Variants in CDC123 observed in about 807,000 individuals in gnomAD.
The protein encoded by CDC123 is cell division cycle 123, also known as translation initiation factor eIF2 assembly protein.
In CDC123, 37 loss-of-function variants were observed where a neutral mutation model predicts 54.4. The observed-to-expected ratio is 0.68, with a 90% CI of 0.52 to 0.89. The LOEUF (loss-of-function observed/expected upper bound fraction) is 0.89, where lower values mean the gene tolerates loss of function less well. CDC123 is among the 40% of genes least tolerant of loss of function. CDC123 has a pLI of 0.00. For synonymous variants in CDC123, 144 were observed against 136.8 expected (o/e 1.05, Z -0.37); for missense variants, 361 against 412.1 (o/e 0.88, Z 1.07).
chr10:12,205,304 T>C (rs1835503354), intron 2 of CDC123, among the ~76,000 whole-genome samples: 1 of 152,240 alleles, frequency 6.6e-6, no homozygotes, highest in African/African-American at 2.4e-5. Flanking sequence ...GTACCACATT[T>C]TCTTTATCCA....
Position 12,250,346 on chromosome 10 carries a change from C to G in CDC123, c.*9C>G. ...AGCAGGAGGACGACTGATGAGCGTA[C>G]TGGAACTGGAGAAGAGGAGGCCCCG... On this transcript the variant is annotated 3_prime_UTR_variant, in exon 13 of 13. Transcript: ENST00000281141. The G allele has an allele frequency of 1.3e-6, 2 of 1,597,600 alleles. No individual in the cohort carries two copies. The highest frequency in any genetic ancestry group is 2.7e-5 in the African/African-American group (2 of 74,634).
chr10:12,232,249 T>C (rs1290926160), intron 7 of CDC123, among the ~76,000 whole-genome samples: 1 of 152,178 alleles, frequency 6.6e-6, no homozygotes. Context: ...GCTCATAGTT[T>C]GTTGCAAAGA....
chr10:12,235,584 TTCCTC>T (rs1224696402), intron 8 of CDC123, among the ~76,000 whole-genome samples: 6 of 152,354 alleles, frequency 3.9e-5, no homozygotes, highest in African/African-American at 9.6e-5. Flanking sequence ...CCCATTTTCT[TTCCTC>T]TCAGGTTACT....
Position 12,196,215 on chromosome 10 carries a change from A to C in CDC123, c.-31A>C. ...AGTTCCGGGAGGGTGCAGGCAGGAGAGGGAAAGGCAGCAGCGGCGGCAGCT... is the reference window on the plus strand; with the variant it reads ...AGTTCCGGGAGGGTGCAGGCAGGAGCGGGAAAGGCAGCAGCGGCGGCAGCT... On this transcript the variant is annotated 5_prime_UTR_variant, in exon 1 of 13. Transcript: ENST00000281141. The C allele has an allele frequency of 6.2e-7, 1 of 1,613,356 alleles. No individual in the cohort carries two copies. Among genetic ancestry groups the C allele is most frequent in the Non-Finnish European group, 8.5e-7 (1 of 1,179,872 alleles).
chr10:12,230,446 G>A (rs1835884936), intron 6 of CDC123, among the ~76,000 whole-genome samples: 1 of 152,144 alleles, frequency 6.6e-6, no homozygotes, highest in Non-Finnish European at 1.5e-5. Context: ...ACCTGCCTTG[G>A]CCTCCCAAAG....
At chr10:12,218,271 G>T (rs1835688807) in intron 6 of CDC123, among the ~76,000 whole-genome samples, 1 of 131,020 alleles carries the variant, frequency 7.6e-6, no homozygotes, top group African/African-American at 2.9e-5. Context: ...TTTTGAGGCA[G>T]GGTCTCACTC....
At chr10:12,223,786 G>C (rs1835768489) in intron 6 of CDC123, among the ~76,000 whole-genome samples, 1 of 152,038 alleles carries the variant, frequency 6.6e-6, no homozygotes, top group African/African-American at 2.4e-5. Context: ...TTATTTCAGT[G>C]TTTATTTTGC....
chr10:12,239,911 G>A (rs1483249210), intron 10 of CDC123, among the ~76,000 whole-genome samples: 11 of 151,510 alleles, frequency 7.3e-5, no homozygotes, highest in Admixed American at 7.2e-4. Flanking sequence ...TGGAGGCTGA[G>A]GCGGGAGAAT....
chr10:12,200,096 T>C (rs7910938), intron 2 of CDC123, among the ~76,000 whole-genome samples: 71,167 of 141,714 alleles, frequency 0.5, 18,234 homozygotes, highest in Middle Eastern at 0.62. Context: ...GCTGGGATTA[T>C]AGGCCTGAGC....
intron 2 of CDC123, among the ~76,000 whole-genome samples, chr10:12,201,038 T>C (rs1047585442): frequency 1.3e-5 from 2 of 152,228 alleles, no homozygotes; most frequent in African/African-American, 2.4e-5. Context: ...AGCTTCATAT[T>C]TGTGAAAGCC....
rs376153867 is a variant in CDC123, at chr10:12,238,506, A to G, written c.717+21A>G. On this transcript the variant is annotated intron_variant, in intron 10 of 12. Coordinates refer to ENST00000281141, the MANE Select transcript of CDC123 (RefSeq NM_006023.3). Reference sequence around the variant, plus strand: ...GTAGGGTAAGTAAAAACTCTTTCTGATATGCTTTAATATAAGAGCTGGTTT... The same window carrying G: ...GTAGGGTAAGTAAAAACTCTTTCTGGTATGCTTTAATATAAGAGCTGGTTT... The G allele has an allele frequency of 1.9e-6, 3 of 1,605,896 alleles. No homozygotes were observed. The African/African-American group carries it at 4.0e-5, about 22-fold the overall frequency.
intron 7 of CDC123, among the ~76,000 whole-genome samples, chr10:12,233,514 C>T (rs887351441): frequency 2.6e-5 from 4 of 152,074 alleles, no homozygotes; most frequent in Admixed American, 2.6e-4. Flanking sequence ...TTTTGATAAA[C>T]ATTATGCAAA....
intron 4 of CDC123, 123 bp downstream of exon 4, chr10:12,210,445 C>T (rs533143813): frequency 1.7e-6 from 2 of 1,178,566 alleles, no homozygotes; most frequent in East Asian, 2.6e-5. Flanking sequence ...TATTATTTTC[C>T]CTGTGGGCTG....
Position 12,217,471 on chromosome 10 carries a change from A to T in CDC123, c.440+4A>T. On this transcript the variant is annotated splice_donor_region_variant and intron_variant, in intron 6 of 12. Transcript: ENST00000281141. ...TCACTCGTGACTTCACTCAGCCGTA[A>T]GTATCTCTTATTCTCTCATGTCAAT... The T allele has an allele frequency of 6.2e-7, 1 of 1,612,654 alleles. No individual in the cohort carries two copies. Among genetic ancestry groups the T allele is most frequent in the Admixed American group, 1.7e-5 (1 of 59,776 alleles).
rs1239477117 is a variant in CDC123 at position 12,208,413 on chromosome 10, A to G, written c.147-1554A>G. ...GGTGAGCAGTGACTATTTGGGGCCA[A>G]TGGTGTGGGTGGTAAGAAGAATTTA... On this transcript the variant is annotated intron_variant, in intron 2 of 12. Transcript: ENST00000281141. 6.6e-5 allele frequency among the ~76,000 whole-genome samples: 10 copies of G among 152,234 alleles called. No homozygotes were observed. In the East Asian group the frequency reaches 1.4e-3, roughly 21 times the overall value.
intron 1 of CDC123, among the ~76,000 whole-genome samples, chr10:12,196,655 C>A (rs376228178): frequency 6.6e-6 from 1 of 152,106 alleles, no homozygotes; most frequent in Non-Finnish European, 1.5e-5. Context: ...AATTGCTTTT[C>A]GCCATCACCC....
chr10:12,214,957 C>T (rs1181646336), intron 4 of CDC123, among the ~76,000 whole-genome samples: 1 of 152,124 alleles, frequency 6.6e-6, no homozygotes, highest in Non-Finnish European at 1.5e-5. Context: ...GAGGGCCCTA[C>T]TTCCCCCTCT....
intron 2 of CDC123, among the ~76,000 whole-genome samples, chr10:12,205,459 T>C (rs1305214712): frequency 6.6e-6 from 1 of 152,212 alleles, no homozygotes; most frequent in East Asian, 1.9e-4. Flanking sequence ...CCAAACACTT[T>C]TGACCCCAAG....
Position 12,246,166 on chromosome 10 carries a change from T to C in CDC123, c.735T>C (p.Ile245=), listed in dbSNP as rs747369569. The part of the protein sequence containing the change: ...YRDSRGKVWL[I]DFNPFGEVTD... ...TGCTACAGGGGAAGGTGTGGCTCAT[T>C]GACTTTAATCCATTTGGTGAAGTCA... Residue 245 remains isoleucine (I), a synonymous_variant, in exon 11 of 13, where the codon ATT becomes ATC. Transcript: ENST00000281141. 8 of 1,614,118 alleles carry C rather than the reference T, an allele frequency of 5.0e-6. No individual in the cohort carries two copies. The highest frequency in any genetic ancestry group is 6.8e-6 in the Non-Finnish European group (8 of 1,179,966).
Sources: gnomAD v4.1 joint callset for allele counts (sites outside exome capture counted in the v4.1 genomes callset) on GRCh38, gnomAD v4.1.1 for gene constraint, MANE v1.5 for transcripts, NCBI Gene and HGNC (gene_info 2026-07-23, HGNC 2026-07-21) for gene names.